The following ARMC1 variants were observed in gnomAD, a reference collection of about 807,000 sequenced individuals.
ARMC1 encodes armadillo repeat containing 1.
Under a neutral mutation model 31.4 loss-of-function variants are expected in ARMC1, and 16 were observed. The observed-to-expected ratio is 0.51, with a 90% CI of 0.34 to 0.77. ARMC1 has a LOEUF of 0.77. Among genes scored for constraint, ARMC1 ranks in the 30% least tolerant of loss-of-function variants. The pLI is 0.01. For synonymous variants in ARMC1, 114 were observed against 118.9 expected (o/e 0.96, Z 0.27); for missense variants, 259 against 347.5 (o/e 0.75, Z 2.02).
intron 3 of ARMC1, among the ~76,000 whole-genome samples, chr8:65,619,284 C>G (rs1035520267): frequency 6.6e-6 from 1 of 152,090 alleles, no homozygotes; most frequent in Non-Finnish European, 1.5e-5. Context: ...CCTGTAATCC[C>G]AGCACTTATA....
intron 4 of ARMC1, among the ~76,000 whole-genome samples, chr8:65,610,253 A>T (rs1808104146): frequency 6.6e-6 from 1 of 151,804 alleles, no homozygotes; most frequent in South Asian, 2.1e-4. Context: ...GTGCACCACC[A>T]CACCCTGCTT....
At chr8:65,616,415 G>C (rs1007141779) in intron 3 of ARMC1, among the ~76,000 whole-genome samples, 1 of 152,214 alleles carries the variant, frequency 6.6e-6, no homozygotes, top group Non-Finnish European at 1.5e-5. Context: ...GATGGCAGAC[G>C]GAGTCTGGTT....
At chr8:65,633,906 T>A (rs1276060847) in intron 1 of ARMC1, 92 bp downstream of exon 1, 4 of 152,294 alleles carry the variant, frequency 2.6e-5, no homozygotes, top group African/African-American at 9.6e-5. Flanking sequence ...GGGGCGCCCC[T>A]CCCAGGCGGA....
At chr8:65,625,361 C>G (rs1344499793) in intron 2 of ARMC1, among the ~76,000 whole-genome samples, 1 of 152,170 alleles carries the variant, frequency 6.6e-6, no homozygotes, top group African/African-American at 2.4e-5. Context: ...GCTCTGTGAG[C>G]CTACAACAGG....
chr8:65,604,443 C>T lies in ARMC1; in HGVS notation c.800G>A (p.Ser267Asn). The T allele has an allele frequency of 6.2e-7, 1 of 1,614,202 alleles. No individual in the cohort carries two copies. The highest frequency in any genetic ancestry group is 8.5e-7 in the Non-Finnish European group (1 of 1,180,032). Reference protein sequence around the residue: ...RVGSHPEGGASWLSTAANFLS... With the variant: ...RVGSHPEGGANWLSTAANFLS... ...AAAGTTTGCAGCTGTGCTAAGCCAG[C>T]TAGCTCCACCTTCTGGGTGTGAGCC... The change falls in exon 7 of 7, where the codon AGC becomes AAC. Residue 267 changes from serine (S) to asparagine (N), a missense_variant. Ser to Asn is a conservative substitution (Grantham distance 46). This residue lies in a region of ARMC1 where 73 missense variants were observed against 100.0 expected (regional missense o/e 0.73). Coordinates refer to ENST00000276569, the MANE Select transcript of ARMC1 (RefSeq NM_018120.6).
intron 3 of ARMC1, among the ~76,000 whole-genome samples, chr8:65,620,957 G>A (rs1398567113): frequency 6.6e-6 from 1 of 152,024 alleles, no homozygotes; most frequent in East Asian, 1.9e-4. Flanking sequence ...AATTAGCCAG[G>A]TATAATGGCA....
intron 3 of ARMC1, among the ~76,000 whole-genome samples, chr8:65,616,154 C>T (rs1051436265): frequency 1.1e-4 from 16 of 152,220 alleles, no homozygotes; most frequent in African/African-American, 3.1e-4. Context: ...CTCCCCTCTC[C>T]CCTCTTCCCG....
At chr8:65,618,202 C>G (rs182081203) in intron 3 of ARMC1, among the ~76,000 whole-genome samples, 1 of 151,990 alleles carries the variant, frequency 6.6e-6, no homozygotes, top group Non-Finnish European at 1.5e-5. Context: ...GCATGAGCCA[C>G]GGCACCCAGC....
At chr8:65,627,125 G>T in intron 2 of ARMC1, 91 bp downstream of exon 2, 2 of 1,267,488 alleles carry the variant, frequency 1.6e-6, no homozygotes, top group Non-Finnish European at 2.2e-6. Context: ...CTCTCTTTCC[G>T]TTTTTTTACC....
intron 6 of ARMC1, 152 bp downstream of exon 6, chr8:65,605,111 T>G (rs1278551779): frequency 1.6e-6 from 1 of 636,934 alleles, no homozygotes; most frequent in African/African-American, 1.8e-5. Flanking sequence ...ACAAAAGATC[T>G]CTCTATATTT....
rs1807947232 is a variant in ARMC1, at chr8:65,603,932, GAA to G, written c.*460_*461del. 6.5e-6 allele frequency: 1 copy of G among 152,946 alleles called. No individual in the cohort carries two copies. Among genetic ancestry groups the G allele is most frequent in the Admixed American group, 6.5e-5 (1 of 15,294 alleles). The allele number at this position is 152,946 out of a possible 1,614,324, so 9.5% of individuals were successfully genotyped here. A position where few individuals can be genotyped will look rare whatever the true frequency, so the allele number is the denominator to read the frequency against. On this transcript the variant is annotated 3_prime_UTR_variant, in exon 7 of 7. Coordinates refer to ENST00000276569, the MANE Select transcript of ARMC1 (RefSeq NM_018120.6). ...ACAAGAAATGTTTTCAGCTTTCAGT[GAA>G]GAGTACAAAGCATGTACCCTTCATG... is the stretch of plus-strand genomic sequence containing the variant.
intron 4 of ARMC1, among the ~76,000 whole-genome samples, chr8:65,611,780 CTTTTTTTTTT>C (rs1166154141): frequency 6.9e-6 from 1 of 144,330 alleles, no homozygotes; most frequent in Non-Finnish European, 1.5e-5. Flanking sequence ...CTTTTTTTTT[CTTTTTTTTTT>C]TGAGACGGAG....
chr8:65,621,120 A>G (rs1462136063), intron 3 of ARMC1, among the ~76,000 whole-genome samples: 1 of 152,096 alleles, frequency 6.6e-6, no homozygotes, highest in African/African-American at 2.4e-5. Context: ...AAACAAACAA[A>G]AAAACCCAGA....
At chr8:65,616,324 G>A (rs1405749503) in intron 3 of ARMC1, among the ~76,000 whole-genome samples, 4 of 152,174 alleles carry the variant, frequency 2.6e-5, no homozygotes, top group Non-Finnish European at 4.4e-5. Flanking sequence ...TGGTGGAGAG[G>A]GGGTTTCGCT....
chr8:65,627,473 G>A, intron 1 of ARMC1, 40 bp from the exon 2 acceptor site: 2 of 1,233,022 alleles, frequency 1.6e-6, no homozygotes. Flanking sequence ...AGGCTGCTGA[G>A]GTATATTATA....
At chr8:65,630,406 GA>G (rs1264354867) in intron 1 of ARMC1, among the ~76,000 whole-genome samples, 1 of 152,184 alleles carries the variant, frequency 6.6e-6, no homozygotes, top group Non-Finnish European at 1.5e-5. Context: ...CCTTGAAACT[GA>G]AGAGTTCCAT....
chr8:65,612,867 A>C (rs1343275047), intron 4 of ARMC1, among the ~76,000 whole-genome samples: 1 of 152,160 alleles, frequency 6.6e-6, no homozygotes, highest in East Asian at 1.9e-4. Flanking sequence ...ATCTCAAAAA[A>C]TATATAAAAA....
rs193210111 is a variant in ARMC1 at position 65,627,449 on chromosome 8, G to T, written c.-35-16C>A. ...ATCTTAAATTCTGTAGAAAAGGTTT[G>T]CAGAATTAGTTCTAGGCTGCTGAGG... On this transcript the variant is annotated splice_polypyrimidine_tract_variant and intron_variant, in intron 1 of 6. Coordinates refer to ENST00000276569, the MANE Select transcript of ARMC1 (RefSeq NM_018120.6). 9.6e-5 allele frequency: 139 copies of T among 1,451,300 alleles called. No individual in the cohort carries two copies. The African/African-American group carries it at 1.6e-3, about 17-fold the overall frequency. 89.9% of individuals were successfully genotyped at this position (1,451,300 alleles called of 1,614,324 possible).
intron 1 of ARMC1, chr8:65,633,656 G>A (rs1294364037): frequency 1.3e-5 from 2 of 152,262 alleles, no homozygotes; most frequent in African/African-American, 4.8e-5. Flanking sequence ...ACACAACTAT[G>A]TCTTTCCGCT....
Sources: gnomAD v4.1 joint callset for allele counts (sites outside exome capture counted in the v4.1 genomes callset) on GRCh38, gnomAD v4.1.1 for gene constraint, gnomAD v4.1.1 regional missense constraint, MANE v1.5 for transcripts, NCBI Gene and HGNC (gene_info 2026-07-23, HGNC 2026-07-21) for gene names.